The following ENOX1 variants were observed in gnomAD, a reference collection of about 807,000 sequenced individuals.
ENOX1 encodes candidate growth-related and time keeping constitutive hydroquinone (NADH) oxidase.
Under a neutral mutation model 82.5 loss-of-function variants are expected in ENOX1, and 42 were observed. That is an observed-to-expected ratio of 0.51 (90% CI 0.40 to 0.66). ENOX1 has a LOEUF of 0.66. Among genes scored for constraint, ENOX1 ranks in the 30% least tolerant of loss-of-function variants. The pLI is 0.00. For synonymous variants in ENOX1, 271 were observed against 282.2 expected, an observed-to-expected ratio of 0.96 and a Z score of 0.40; for missense variants, 608 against 811.6, an observed-to-expected ratio of 0.75 and a Z score of 3.05.
chr13:43,742,833 CTA>C (rs1949815291), intron 1 of ENOX1, among the ~76,000 whole-genome samples: 1 of 152,104 alleles, frequency 6.6e-6, no homozygotes, highest in African/African-American at 2.4e-5. Flanking sequence ...TCAGTTGACT[CTA>C]ATATTTTTGA....
At position 43,459,988 on chromosome 13, in the gene ENOX1, T is replaced by C. The variant is rs902290816; in HGVS notation, c.-75+24021A>G. ...CAGCCTGGGTGACAAAGCGAGACTCTGTCTCAAAAAACAAACAACGACAAC... is the reference window on the plus strand; with the variant it reads ...CAGCCTGGGTGACAAAGCGAGACTCCGTCTCAAAAAACAAACAACGACAAC... On this transcript the variant is annotated intron_variant, in intron 3 of 16. Coordinates refer to ENST00000690772, the MANE Select transcript of ENOX1 (RefSeq NM_001347969.2). Among the ~76,000 whole-genome samples the C allele has an allele frequency of 2.6e-5, 4 of 152,068 alleles. No individual in the cohort carries two copies. In the East Asian group the frequency reaches 5.8e-4, roughly 22 times the overall value.
chr13:43,462,217 A>G (rs575079573), intron 3 of ENOX1, among the ~76,000 whole-genome samples: 19 of 152,360 alleles, frequency 1.2e-4, no homozygotes, highest in Non-Finnish European at 1.5e-5. Flanking sequence ...TGTGATTATC[A>G]GTCATTGATT....
intron 3 of ENOX1, among the ~76,000 whole-genome samples, chr13:43,461,952 T>C (rs566797980): frequency 6.6e-6 from 1 of 152,304 alleles, no homozygotes; most frequent in African/African-American, 2.4e-5. Flanking sequence ...CAATTGGTTC[T>C]GGATAAACAT....
rs189551953 is a variant in ENOX1, at chr13:43,753,987, C to T, written c.-285+32665G>A. ...CTGATGTATTTCTTCTACGTATCTA[C>T]GTGTGTGTGTATATATACATATGTA... is the stretch of plus-strand genomic sequence containing the variant. On this transcript the variant is annotated intron_variant, in intron 1 of 16. Coordinates refer to ENST00000690772, the MANE Select transcript of ENOX1 (RefSeq NM_001347969.2). 1.7e-3 allele frequency among the ~76,000 whole-genome samples: 10 copies of T among 5,980 alleles called. No individual in the cohort carries two copies. In the South Asian group the frequency reaches 0.052, roughly 31 times the overall value. 3.9% of individuals were successfully genotyped at this position (5,980 alleles called of 152,430 possible).
At chr13:43,679,852 TGCCCAAAAGATTA>T (rs779239881) in intron 1 of ENOX1, among the ~76,000 whole-genome samples, 2 of 152,246 alleles carry the variant, frequency 1.3e-5, no homozygotes, top group African/African-American at 4.8e-5. Flanking sequence ...TGGAAACAAA[TGCCCAAAAGATTA>T]GCTTTCTTAC....
At chr13:43,251,802 G>C (rs1305071644) in intron 14 of ENOX1, among the ~76,000 whole-genome samples, 3 of 152,152 alleles carry the variant, frequency 2.0e-5, no homozygotes. Flanking sequence ...CAGGAAATCA[G>C]GCCAACATTT....
At chr13:43,273,057 T>C (rs908487998) in intron 12 of ENOX1, among the ~76,000 whole-genome samples, 1 of 152,218 alleles carries the variant, frequency 6.6e-6, no homozygotes, top group African/African-American at 2.4e-5. Context: ...TTTACAACAC[T>C]GCCTTTACAG....
chr13:43,252,808 G>C (rs2043531663), intron 14 of ENOX1, among the ~76,000 whole-genome samples: 1 of 152,154 alleles, frequency 6.6e-6, no homozygotes, highest in Non-Finnish European at 1.5e-5. Context: ...TCAGTAAGGA[G>C]GGAAGGTGTA....
intron 2 of ENOX1, chr13:43,545,021 A>G (rs1015838672): frequency 6.6e-6 from 1 of 152,234 alleles, no homozygotes; most frequent in Non-Finnish European, 1.5e-5. Context: ...ATACATAAAC[A>G]ACACATATCC....
At chr13:43,767,698 T>C (rs1046795307) in intron 1 of ENOX1, among the ~76,000 whole-genome samples, 1 of 152,230 alleles carries the variant, frequency 6.6e-6, no homozygotes, top group Non-Finnish European at 1.5e-5. Context: ...GCACTTACAG[T>C]GAGCAGGGTC....
At chr13:43,414,575 A>ATGT (rs2054329290) in intron 3 of ENOX1, among the ~76,000 whole-genome samples, 1 of 152,206 alleles carries the variant, frequency 6.6e-6, no homozygotes, top group Non-Finnish European at 1.5e-5. Context: ...CTATTCACCA[A>ATGT]CGATCTTTCT....
At chr13:43,637,020 G>A (rs773329303) in intron 2 of ENOX1, among the ~76,000 whole-genome samples, 1 of 152,194 alleles carries the variant, frequency 6.6e-6, no homozygotes, top group Non-Finnish European at 1.5e-5. Flanking sequence ...TCTGTAAAAT[G>A]AGAAATCAGG....
intron 2 of ENOX1, among the ~76,000 whole-genome samples, chr13:43,515,964 G>A (rs1159267620): frequency 6.6e-6 from 1 of 152,136 alleles, no homozygotes; most frequent in African/African-American, 2.4e-5. Flanking sequence ...GTGCACACAA[G>A]CCTCCTGGCA....
chr13:43,404,686 G>A (rs979440578), intron 5 of ENOX1, among the ~76,000 whole-genome samples: 2 of 152,190 alleles, frequency 1.3e-5, no homozygotes, highest in African/African-American at 2.4e-5. Flanking sequence ...TGGTCGGTCA[G>A]GCCAATTGCT....
At chr13:43,547,542 T>G (rs1234585300) in intron 2 of ENOX1, 1 of 152,186 alleles carries the variant, frequency 6.6e-6, no homozygotes, top group Non-Finnish European at 1.5e-5. Flanking sequence ...GATCTGAAAG[T>G]GAACTTTCTA....
At position 43,731,566 on chromosome 13, in the gene ENOX1, A is replaced by C. The variant is rs537240013; in HGVS notation, c.-285+55086T>G. ...TTAGGAAGAATTTGAGAAAAAAATT[A>C]AATTGCCATTCTGGAGTAAGAGAAG... On this transcript the variant is annotated intron_variant, in intron 1 of 16. Coordinates refer to ENST00000690772, the MANE Select transcript of ENOX1 (RefSeq NM_001347969.2). Among the ~76,000 whole-genome samples the C allele has an allele frequency of 6.0e-5, 9 of 150,958 alleles. No homozygotes were observed. In the East Asian group the frequency reaches 1.4e-3, roughly 23 times the overall value.
At chr13:43,681,071 C>T (rs913083767) in intron 1 of ENOX1, among the ~76,000 whole-genome samples, 4 of 152,232 alleles carry the variant, frequency 2.6e-5, no homozygotes, top group Non-Finnish European at 5.9e-5. Context: ...GGAGAGAAGG[C>T]CACACTTGCT....
chr13:43,469,293 T>C (rs950527916), intron 3 of ENOX1, among the ~76,000 whole-genome samples: 36 of 152,066 alleles, frequency 2.4e-4, no homozygotes, highest in African/African-American at 8.4e-4. Flanking sequence ...AGTAACCTTT[T>C]ATTAGTGGGA....
chr13:43,717,172 C>A (rs145469918), intron 1 of ENOX1, among the ~76,000 whole-genome samples: 2 of 152,212 alleles, frequency 1.3e-5, no homozygotes, highest in Admixed American at 1.3e-4. Flanking sequence ...CCAAACAGCA[C>A]GGTACTGGTA....
Sources: allele counts gnomAD v4.1 joint callset (sites outside exome capture counted in the v4.1 genomes callset), GRCh38; gene constraint gnomAD v4.1.1; transcripts MANE v1.5; gene names NCBI Gene and HGNC (gene_info 2026-07-23, HGNC 2026-07-21).